Variants in ARHGAP19 observed in about 807,000 individuals in gnomAD.
ARHGAP19 encodes the protein rho GTPase-activating protein 19.
A neutral mutation model predicts 60.9 loss-of-function variants in ARHGAP19; 48 were observed. The ratio of observed to expected loss-of-function variants is 0.79; its 90% CI spans 0.62 to 1.00. The LOEUF (loss-of-function observed/expected upper bound fraction) is 1.00, where lower values mean the gene tolerates loss of function less well. Ranked by LOEUF, ARHGAP19 falls within the 50% of genes least tolerant of loss-of-function variation. The pLI, the probability that ARHGAP19 is intolerant of heterozygous loss-of-function variation, is 0.00. For missense variants in ARHGAP19, 562 were observed against 597.2 expected, an observed-to-expected ratio of 0.94 and a Z score of 0.61; for synonymous variants, 209 against 215.5, an observed-to-expected ratio of 0.97 and a Z score of 0.27.
intron 4 of ARHGAP19, among the ~76,000 whole-genome samples, chr10:97,259,997 G>A (rs868146459): frequency 1.5e-4 from 22 of 151,532 alleles, no homozygotes; most frequent in African/African-American, 4.1e-4. Flanking sequence ...CACCACGCCC[G>A]GCTAATTTTT....
chr10:97,241,215 C>T (rs1410437103), intron 8 of ARHGAP19, among the ~76,000 whole-genome samples: 5 of 151,708 alleles, frequency 3.3e-5, no homozygotes, highest in Admixed American at 2.6e-4. Context: ...CCCAGCTACT[C>T]GGGGGAGGCT....
intron 6 of ARHGAP19, among the ~76,000 whole-genome samples, chr10:97,253,221 T>C (rs1198977242): frequency 2.0e-5 from 3 of 151,792 alleles, no homozygotes; most frequent in Non-Finnish European, 4.4e-5. Flanking sequence ...CTACCAAAAA[T>C]ACAAAAATTA....
chr10:97,263,715 C>T (rs1349188095), intron 3 of ARHGAP19, 86 bp from the exon 4 acceptor site: 46 of 1,347,126 alleles, frequency 3.4e-5, no homozygotes, highest in Non-Finnish European at 4.6e-5. Context: ...GACTACTTTA[C>T]ACTTAAAAGA....
At chr10:97,246,684 A>G (rs1023661948) in intron 6 of ARHGAP19, among the ~76,000 whole-genome samples, 1 of 152,222 alleles carries the variant, frequency 6.6e-6, no homozygotes, top group Non-Finnish European at 1.5e-5. Flanking sequence ...CTTACAAATT[A>G]TAAGTGGTCT....
At chr10:97,239,556 GT>G (rs1842442582) in intron 8 of ARHGAP19, among the ~76,000 whole-genome samples, 3 of 5,278 alleles carry the variant, frequency 5.7e-4, no homozygotes, top group East Asian at 9.1e-3. Context: ...GAGAGGGTGT[GT>G]GTGTGTGTGT....
chr10:97,259,731 G>GA (rs144958412), intron 4 of ARHGAP19, 103 bp from the exon 5 acceptor site: 35,360 of 797,724 alleles, frequency 0.044, 1,760 homozygotes, highest in East Asian at 0.19. Flanking sequence ...AAGAAAGAGG[G>GA]AAAAAAGATT....
intron 1 of ARHGAP19, among the ~76,000 whole-genome samples, chr10:97,289,373 C>T (rs993389361): frequency 6.6e-6 from 1 of 152,086 alleles, no homozygotes; most frequent in Admixed American, 6.6e-5. Context: ...GCCTCAGCCT[C>T]AAAGTGCTAG....
chr10:97,255,283 C>T (rs1439276001), intron 6 of ARHGAP19, among the ~76,000 whole-genome samples: 1 of 152,160 alleles, frequency 6.6e-6, no homozygotes, highest in African/African-American at 2.4e-5. Context: ...CTTTCAGCCT[C>T]TCCAGATGGC....
At chr10:97,250,829 G>A (rs992127890) in intron 6 of ARHGAP19, among the ~76,000 whole-genome samples, 2 of 151,744 alleles carry the variant, frequency 1.3e-5, no homozygotes, top group Admixed American at 6.6e-5. Context: ...ACTTTGGGAG[G>A]CCAAGGCAGG....
At chr10:97,241,059 G>A (rs540994750) in intron 8 of ARHGAP19, among the ~76,000 whole-genome samples, 65 of 151,358 alleles carry the variant, frequency 4.3e-4, no homozygotes, top group African/African-American at 1.5e-3. Flanking sequence ...GGTGGCTCAC[G>A]CCTGTAATAC....
chr10:97,286,748 C>G (rs1012639159), intron 1 of ARHGAP19, among the ~76,000 whole-genome samples: 1 of 152,202 alleles, frequency 6.6e-6, no homozygotes, highest in Non-Finnish European at 1.5e-5. Context: ...CCTAAGCTGG[C>G]TCTTCATGTA....
intron 8 of ARHGAP19, among the ~76,000 whole-genome samples, chr10:97,241,006 A>G (rs1284330457): frequency 1.3e-5 from 2 of 152,204 alleles, no homozygotes; most frequent in African/African-American, 2.4e-5. Flanking sequence ...TTAGAAAACA[A>G]TAAAATTATA....
intron 1 of ARHGAP19, among the ~76,000 whole-genome samples, chr10:97,276,606 T>G (rs1437295597): frequency 8.1e-4 from 3 of 3,702 alleles, no homozygotes; most frequent in African/African-American, 9.0e-4. Context: ...GAGGTGGGGG[T>G]GTCAGCCCCA....
rs917824050 is a variant in ARHGAP19, at chr10:97,228,889, C to A, written c.1474+258G>T. On this transcript the variant is annotated intron_variant, in intron 11 of 11. Transcript: ENST00000358531. ...CAAGTATTCTTAAGGTATTTTCCCC[C>A]ATGTGTCCTGTCTGTCCAAGAACAC... Among the ~76,000 whole-genome samples the A allele has an allele frequency of 7.9e-5, 12 of 152,302 alleles. No individual in the cohort carries two copies. In the Middle Eastern group the frequency reaches 0.024, roughly 302 times the overall value.
chr10:97,237,460 C>G (rs971961767), intron 8 of ARHGAP19, among the ~76,000 whole-genome samples: 6 of 152,114 alleles, frequency 3.9e-5, no homozygotes, highest in Admixed American at 2.0e-4. Flanking sequence ...CCTAACATCA[C>G]AGCGCAATGT....
chr10:97,229,978 C>T (rs565765135), intron 9 of ARHGAP19, 104 bp from the exon 10 acceptor site: 2 of 830,816 alleles, frequency 2.4e-6, no homozygotes. Flanking sequence ...AAAAAAATCT[C>T]AGCATTCTGA....
intron 6 of ARHGAP19, among the ~76,000 whole-genome samples, chr10:97,253,920 A>G (rs930183808): frequency 2.6e-5 from 4 of 152,216 alleles, no homozygotes; most frequent in African/African-American, 4.8e-5. Flanking sequence ...CCACAGTTTC[A>G]GGCATGTACT....
At chr10:97,250,234 C>T (rs1031284102) in intron 6 of ARHGAP19, among the ~76,000 whole-genome samples, 1 of 152,010 alleles carries the variant, frequency 6.6e-6, no homozygotes, top group African/African-American at 2.4e-5. Flanking sequence ...GCTAATATGG[C>T]AATATGATAA....
chr10:97,223,721 A>C lies in ARHGAP19; in HGVS notation c.*2401T>G, dbSNP rs1381230270. 6.6e-6 allele frequency: 1 copy of C among 152,204 alleles called. No homozygotes were observed. 9.4% of individuals were successfully genotyped at this position (152,204 alleles called of 1,614,324 possible). ...CTCAAAAACAATACCTGCCCACCAAATCAGAAGGGAGACAGCAGCCTTCTG... is the reference window on the plus strand; with the variant it reads ...CTCAAAAACAATACCTGCCCACCAACTCAGAAGGGAGACAGCAGCCTTCTG... On this transcript the variant is annotated 3_prime_UTR_variant, in exon 12 of 12. Coordinates refer to ENST00000358531, the MANE Select transcript of ARHGAP19 (RefSeq NM_032900.6).
Sources: gnomAD v4.1 joint callset for allele counts (sites outside exome capture counted in the v4.1 genomes callset) on GRCh38, gnomAD v4.1.1 for gene constraint, MANE v1.5 for transcripts, NCBI Gene and HGNC (gene_info 2026-07-23, HGNC 2026-07-21) for gene names.